GK5: variants seen among roughly 807,000 people sequenced by gnomAD.
GK5 encodes the protein ATP:glycerol 3-phosphotransferase 5.
GK5 carries 39 observed loss-of-function variants against 77.3 expected under a neutral mutation model. The observed-to-expected ratio is 0.50, with a 90% CI of 0.39 to 0.66. The LOEUF (loss-of-function observed/expected upper bound fraction) is 0.66. Among genes scored for constraint, GK5 ranks in the 30% least tolerant of loss-of-function variants. GK5 has a pLI of 0.00. For synonymous variants in GK5, 211 were observed against 208.0 expected (o/e 1.01, Z -0.13); for missense variants, 487 against 633.8 (o/e 0.77, Z 2.49).
At chr3:142,206,301 T>C (rs1451677101) in intron 3 of GK5, among the ~76,000 whole-genome samples, 1 of 152,252 alleles carries the variant, frequency 6.6e-6, no homozygotes, top group Non-Finnish European at 1.5e-5. Context: ...CTGGGTCATA[T>C]AGTAATTCTA....
chr3:142,208,579 T>C (rs1286405495), intron 3 of GK5, among the ~76,000 whole-genome samples: 2 of 152,222 alleles, frequency 1.3e-5, no homozygotes, highest in African/African-American at 4.8e-5. Context: ...CTTAGCACCT[T>C]TGTCAAAGAT....
chr3:142,225,271 C>T (rs1185350634), intron 1 of GK5, 38 bp downstream of exon 1: 1 of 1,498,078 alleles, frequency 6.7e-7, no homozygotes, highest in Non-Finnish European at 8.9e-7. Context: ...TCAGCGAAAC[C>T]CAGTCAGACC....
intron 3 of GK5, among the ~76,000 whole-genome samples, chr3:142,211,374 C>A (rs1433661665): frequency 1.3e-5 from 2 of 152,184 alleles, no homozygotes; most frequent in African/African-American, 4.8e-5. Flanking sequence ...CTTCATCTGA[C>A]AATATACTAC....
chr3:142,214,834 T>C (rs545506269), intron 2 of GK5, among the ~76,000 whole-genome samples: 2 of 152,354 alleles, frequency 1.3e-5, no homozygotes, highest in Non-Finnish European at 1.5e-5. Context: ...ATTGTGGTTA[T>C]AGGAGAAAAT....
intron 1 of GK5, among the ~76,000 whole-genome samples, chr3:142,223,706 C>T (rs1447306710): frequency 3.3e-5 from 5 of 152,162 alleles, no homozygotes; most frequent in African/African-American, 7.2e-5. Flanking sequence ...GGCATGATGG[C>T]GGGTGCCTGC....
chr3:142,181,985 T>C (rs1389546097), intron 10 of GK5, among the ~76,000 whole-genome samples: 1 of 152,236 alleles, frequency 6.6e-6, no homozygotes, highest in Non-Finnish European at 1.5e-5. Context: ...CTATTGTATT[T>C]ATCTGTGGTT....
intron 9 of GK5, chr3:142,185,284 A>C: frequency 3.1e-6 from 1 of 318,958 alleles, no homozygotes; most frequent in African/African-American, 2.3e-5. Context: ...GTCGTGGCAC[A>C]CACCTGTGGT....
At chr3:142,170,479 A>C in intron 14 of GK5, 21 bp from the exon 15 acceptor site, 1 of 1,578,972 alleles carries the variant, frequency 6.3e-7, no homozygotes, top group Non-Finnish European at 8.6e-7. Context: ...CAAAATATGT[A>C]AGATGAATTA....
At chr3:142,184,356 C>T (rs1192782770) in intron 9 of GK5, among the ~76,000 whole-genome samples, 3 of 147,576 alleles carry the variant, frequency 2.0e-5, no homozygotes, top group Non-Finnish European at 3.0e-5. Flanking sequence ...ACATTTGTTT[C>T]ATTCATTAGT....
intron 12 of GK5, among the ~76,000 whole-genome samples, chr3:142,176,982 A>T (rs1181322541): frequency 1.3e-5 from 2 of 152,194 alleles, no homozygotes; most frequent in Non-Finnish European, 2.9e-5. Flanking sequence ...TTTTAAAAAA[A>T]GTTTAAAACT....
intron 5 of GK5, among the ~76,000 whole-genome samples, chr3:142,197,318 TAACTGTTATA>T (rs2107786703): frequency 1.3e-5 from 2 of 152,360 alleles, no homozygotes; most frequent in South Asian, 4.1e-4. Context: ...TAGGTGTTTA[TAACTGTTATA>T]TATTTATGAT....
chr3:142,184,883 C>T, intron 9 of GK5: 1 of 985,710 alleles, frequency 1.0e-6, no homozygotes, highest in South Asian at 4.7e-5. Flanking sequence ...AAAGAACCCT[C>T]TGTCACTAAT....
chr3:142,170,992 G>A (rs776140769), intron 14 of GK5, among the ~76,000 whole-genome samples: 13 of 152,114 alleles, frequency 8.5e-5, no homozygotes, highest in Non-Finnish European at 1.9e-4. Context: ...ACTGTGGGAG[G>A]CTGAAGAGGG....
rs922654527 is a variant in GK5, at chr3:142,160,932, A to G, written c.*4690T>C. Reference sequence around the variant, plus strand: ...GAGACAAGGTCTCACTTTGCTGCCCAAGCTGTAACTGAACTCCTGGCTTCA... The same window carrying G: ...GAGACAAGGTCTCACTTTGCTGCCCGAGCTGTAACTGAACTCCTGGCTTCA... On this transcript the variant is annotated 3_prime_UTR_variant, in exon 16 of 16. Transcript: ENST00000392993. 11 of 152,196 alleles carry G rather than the reference A, an allele frequency of 7.2e-5. No homozygotes were observed. The highest frequency in any genetic ancestry group is 2.7e-4 in the African/African-American group (11 of 41,436). The allele number at this position is 152,196 out of a possible 1,614,324, so 9.4% of individuals were successfully genotyped here.
chr3:142,176,821 A>C (rs2063619796), intron 12 of GK5, among the ~76,000 whole-genome samples: 1 of 151,760 alleles, frequency 6.6e-6, no homozygotes, highest in Non-Finnish European at 1.5e-5. Flanking sequence ...GCCACTATGC[A>C]TGGCTAATTT....
At chr3:142,185,554 T>C in intron 9 of GK5, 2 of 1,042,490 alleles carry the variant, frequency 1.9e-6, no homozygotes, top group African/African-American at 1.7e-5. Context: ...TGTTTGTGGT[T>C]ACACATTATC....
In GK5 at chr3:142,225,583, C is replaced by G. The variant is rs1313507701; in HGVS notation, c.-128G>C. The stretch of plus-strand genomic sequence containing the variant: ...GGCTCAGCCGGAGAGCCTAGAGAGG[C>G]CTGGCCCCTGCCGCCGGCTCCACCC... On this transcript the variant is annotated 5_prime_UTR_variant, in exon 1 of 16. Coordinates refer to ENST00000392993, the MANE Select transcript of GK5 (RefSeq NM_001039547.3). 6.8e-6 allele frequency: 8 copies of G among 1,175,324 alleles called. No individual in the cohort carries two copies. In the Admixed American group the frequency reaches 1.9e-4, roughly 28 times the overall value. 72.8% of individuals were successfully genotyped at this position (1,175,324 alleles called of 1,614,324 possible).
Position 142,215,591 on chromosome 3 carries a change from C to A in GK5, c.241+8G>T. On this transcript the variant is annotated splice_region_variant and intron_variant, in intron 2 of 15. Coordinates refer to ENST00000392993, the MANE Select transcript of GK5 (RefSeq NM_001039547.3). Reference sequence around the variant, plus strand: ...AAAGATTATTGTTATTTTTATAAATCCAATTACCTTTGACTGCTTCTTTTA... The same window carrying A: ...AAAGATTATTGTTATTTTTATAAATACAATTACCTTTGACTGCTTCTTTTA... The A allele has an allele frequency of 7.1e-7, 1 of 1,410,974 alleles. No homozygotes were observed. Among genetic ancestry groups the A allele is most frequent in the Non-Finnish European group, 9.9e-7 (1 of 1,011,484 alleles). The allele number at this position is 1,410,974 out of a possible 1,614,324, so 87.4% of individuals were successfully genotyped here.
intron 5 of GK5, 101 bp from the exon 6 acceptor site, chr3:142,187,880 AAT>A: frequency 1.3e-6 from 1 of 768,072 alleles, no homozygotes; most frequent in South Asian, 1.7e-5. Context: ...TTTTTATAAA[AAT>A]TAATATGTAC....
Sources: gnomAD v4.1 joint callset for allele counts (sites outside exome capture counted in the v4.1 genomes callset) on GRCh38, gnomAD v4.1.1 for gene constraint, MANE v1.5 for transcripts, NCBI Gene and HGNC (gene_info 2026-07-23, HGNC 2026-07-21) for gene names.